The following IGF2BP3 variants were observed in gnomAD, a reference collection of about 807,000 sequenced individuals.
The protein encoded by IGF2BP3 is insulin-like growth factor 2 mRNA-binding protein 3.
In IGF2BP3, 9 loss-of-function variants were observed where a neutral mutation model predicts 73.8. The ratio of observed to expected loss-of-function variants is 0.12; its 90% confidence interval spans 0.07 to 0.21. The LOEUF (loss-of-function observed/expected upper bound fraction) is 0.21, where lower values mean the gene tolerates loss of function less well. IGF2BP3 is among the 10% of genes least tolerant of loss of function. IGF2BP3 has a pLI of 1.00. For synonymous variants in IGF2BP3, 258 were observed against 256.7 expected, an observed-to-expected ratio of 1.01 and a Z score of -0.05; for missense variants, 542 against 714.0, an observed-to-expected ratio of 0.76 and a Z score of 2.75.
intron 3 of IGF2BP3, among the ~76,000 whole-genome samples, chr7:23,364,546 T>TTAAAA (rs1562702077): frequency 3.2e-5 from 1 of 31,586 alleles, no homozygotes. Flanking sequence ...AGACTTTGTG[T>TTAAAA]CAAAAAAAAA....
At chr7:23,377,599 G>T (rs1028366034) in intron 3 of IGF2BP3, among the ~76,000 whole-genome samples, 4 of 152,182 alleles carry the variant, frequency 2.6e-5, no homozygotes, top group African/African-American at 9.7e-5. Context: ...ATATGATCTA[G>T]CAATTCCATT....
intron 12 of IGF2BP3, 81 bp from the exon 13 acceptor site, chr7:23,313,734 C>G: frequency 7.2e-7 from 1 of 1,394,584 alleles, no homozygotes; most frequent in Non-Finnish European, 9.9e-7. Context: ...TGGCCCAAAT[C>G]CAAGTGGGAT....
chr7:23,371,296 C>T (rs184012539), intron 3 of IGF2BP3, among the ~76,000 whole-genome samples: 21 of 152,100 alleles, frequency 1.4e-4, no homozygotes, highest in Admixed American at 7.9e-4. Context: ...TCACCCTTAG[C>T]GCTAGGGATA....
intron 9 of IGF2BP3, among the ~76,000 whole-genome samples, 189 bp downstream of exon 9, chr7:23,343,529 A>G (rs1784760682): frequency 6.6e-6 from 1 of 152,254 alleles, no homozygotes; most frequent in Non-Finnish European, 1.5e-5. Flanking sequence ...CTAAAGTCAC[A>G]GAGACAGCAA....
At chr7:23,431,909 ATTAC>A (rs1197869483) in intron 2 of IGF2BP3, among the ~76,000 whole-genome samples, 1 of 152,128 alleles carries the variant, frequency 6.6e-6, no homozygotes, top group Non-Finnish European at 1.5e-5. Context: ...CAAAGGCAAA[ATTAC>A]TTGTTTTATT....
At chr7:23,412,601 T>G (rs1235725663) in intron 3 of IGF2BP3, among the ~76,000 whole-genome samples, 1 of 152,136 alleles carries the variant, frequency 6.6e-6, no homozygotes, top group Non-Finnish European at 1.5e-5. Flanking sequence ...CAGGGAAATA[T>G]TGTTTCACCT....
At chr7:23,388,346 G>C (rs1330605217) in intron 3 of IGF2BP3, among the ~76,000 whole-genome samples, 1 of 152,130 alleles carries the variant, frequency 6.6e-6, no homozygotes, top group African/African-American at 2.4e-5. Flanking sequence ...TATCAACTTA[G>C]GTTCAGTAAT....
chr7:23,318,935 G>A (rs1007171579), intron 11 of IGF2BP3, among the ~76,000 whole-genome samples: 3 of 152,190 alleles, frequency 2.0e-5, no homozygotes, highest in South Asian at 2.1e-4. Flanking sequence ...CACCCAGCCC[G>A]GATGTTCACC....
intron 3 of IGF2BP3, 74 bp downstream of exon 3, chr7:23,418,702 G>T (rs577015727): frequency 6.1e-6 from 6 of 977,152 alleles, no homozygotes; most frequent in Non-Finnish European, 9.4e-6. Flanking sequence ...GAGGAAAGGA[G>T]AAAAAGCTTT....
At chr7:23,380,157 C>T (rs1330196936) in intron 3 of IGF2BP3, among the ~76,000 whole-genome samples, 2 of 71,802 alleles carry the variant, frequency 2.8e-5, no homozygotes, top group Non-Finnish European at 5.1e-5. Flanking sequence ...CACTATGCCT[C>T]TTTTTTTTTT....
At chr7:23,413,809 C>T (rs1584014383) in intron 3 of IGF2BP3, 1 of 152,128 alleles carries the variant, frequency 6.6e-6, no homozygotes, top group African/African-American at 2.4e-5. Context: ...CACCATTTTC[C>T]CTTATTTCTT....
chr7:23,321,303 G>C (rs1232444035), intron 10 of IGF2BP3, among the ~76,000 whole-genome samples: 1 of 151,688 alleles, frequency 6.6e-6, no homozygotes, highest in African/African-American at 2.4e-5. Flanking sequence ...GTCAAAGAAA[G>C]GGGTGACAGA....
chr7:23,447,573 G>A (rs1323641998), intron 2 of IGF2BP3, among the ~76,000 whole-genome samples: 6 of 151,374 alleles, frequency 4.0e-5, no homozygotes, highest in Non-Finnish European at 7.4e-5. Flanking sequence ...GCAGCCAGCC[G>A]AGATCCCACC....
intron 12 of IGF2BP3, among the ~76,000 whole-genome samples, chr7:23,314,005 G>A (rs971451600): frequency 1.3e-5 from 2 of 152,158 alleles, no homozygotes; most frequent in African/African-American, 4.8e-5. Flanking sequence ...TGCTGGCCAT[G>A]AGACATCAGT....
intron 3 of IGF2BP3, among the ~76,000 whole-genome samples, chr7:23,373,169 G>A (rs915436604): frequency 3.9e-5 from 6 of 152,204 alleles, no homozygotes; most frequent in African/African-American, 1.4e-4. Flanking sequence ...CATGTTCCAA[G>A]TACTAAATAC....
At chr7:23,314,650 T>A (rs1331713260) in intron 12 of IGF2BP3, among the ~76,000 whole-genome samples, 3 of 152,114 alleles carry the variant, frequency 2.0e-5, no homozygotes, top group African/African-American at 7.2e-5. Flanking sequence ...GAGTCAGCTA[T>A]GCCAAGCTCA....
In IGF2BP3 at chr7:23,351,445, C is replaced by A; in HGVS notation, c.543G>T (p.Arg181Ser). ...RRGLGQRGSS[R>S]QGSPGSVSKQ... ...TGGATACGGATCCTGGAGACCCCTG[C>A]CTTGAGGAGCCCCTCTGCCCAAGCC... The change falls in exon 6 of 15, where the codon AGG becomes AGT. Residue 181 changes from arginine to serine, a missense_variant. This residue lies in a region of IGF2BP3 where 239 missense variants were observed against 241.9 expected (regional missense o/e 0.99). Coordinates refer to ENST00000258729, the MANE Select transcript of IGF2BP3 (RefSeq NM_006547.3). 1 of 1,613,556 alleles carries A rather than the reference C, an allele frequency of 6.2e-7. No homozygotes were observed. Among genetic ancestry groups the A allele is most frequent in the Non-Finnish European group, 8.5e-7 (1 of 1,179,748 alleles).
chr7:23,427,774 G>T (rs934379571), intron 2 of IGF2BP3, among the ~76,000 whole-genome samples: 4 of 152,070 alleles, frequency 2.6e-5, no homozygotes, highest in Non-Finnish European at 5.9e-5. Context: ...TCAGGAGGCT[G>T]AGGAGGGTGG....
chr7:23,316,130 A>C (rs892126964), intron 12 of IGF2BP3, among the ~76,000 whole-genome samples: 6 of 152,210 alleles, frequency 3.9e-5, no homozygotes, highest in Admixed American at 1.3e-4. Context: ...TGCCTGGATC[A>C]CAAGGCTGCT....
Sources: gnomAD v4.1 joint callset for allele counts (sites outside exome capture counted in the v4.1 genomes callset) on GRCh38, gnomAD v4.1.1 for gene constraint, gnomAD v4.1.1 regional missense constraint, MANE v1.5 for transcripts, NCBI Gene and HGNC (gene_info 2026-07-23, HGNC 2026-07-21) for gene names.